Variants in THSD7B observed in about 807,000 individuals in gnomAD.
The protein encoded by THSD7B is thrombospondin type 1 domain containing 7B.
THSD7B carries 138 observed loss-of-function variants against 213.6 expected under a neutral mutation model. The ratio of observed to expected loss-of-function variants is 0.65; its 90% CI spans 0.56 to 0.74. THSD7B has a LOEUF of 0.74. Among genes scored for constraint, THSD7B ranks in the 30% least tolerant of loss-of-function variants. The probability of loss-of-function intolerance (pLI) is 0.00; values close to 1 mark genes in which losing one functional copy is unlikely to be tolerated. For synonymous variants in THSD7B, 742 were observed against 687.0 expected (o/e 1.08, Z -1.25); for missense variants, 1,931 against 1,991.5 (o/e 0.97, Z 0.58).
In THSD7B at chr2:137,166,412, A is replaced by C. The variant is rs1432247107; in HGVS notation, c.1526-4329A>C. ...TTTCTTGATATATAGACACACATTTATATGACATCCTTATCCTTTTCAGAC... is the reference window on the plus strand; with the variant it reads ...TTTCTTGATATATAGACACACATTTCTATGACATCCTTATCCTTTTCAGAC... On this transcript the variant is annotated intron_variant, in intron 6 of 27. Coordinates refer to ENST00000409968, the MANE Select transcript of THSD7B (RefSeq NM_001316349.2). Among the ~76,000 whole-genome samples, 4 of 152,228 alleles carry C rather than the reference A, an allele frequency of 2.6e-5. 1 individual carries two copies. Among genetic ancestry groups the C allele is most frequent in the Non-Finnish European group, 5.9e-5 (4 of 68,042 alleles).
intron 25 of THSD7B, among the ~76,000 whole-genome samples, chr2:137,663,020 G>T (rs890046394): frequency 6.6e-6 from 1 of 150,940 alleles, no homozygotes; most frequent in Non-Finnish European, 1.5e-5. Context: ...AGCTGAGATT[G>T]TGCCATTGTA....
chr2:137,258,758 C>T (rs1682366924), intron 10 of THSD7B, among the ~76,000 whole-genome samples: 1 of 150,996 alleles, frequency 6.6e-6, no homozygotes. Flanking sequence ...TGGTGATTTG[C>T]TGCACCCGTC....
At chr2:136,894,940 T>C (rs1683929359) in intron 2 of THSD7B, among the ~76,000 whole-genome samples, 1 of 152,202 alleles carries the variant, frequency 6.6e-6, no homozygotes, top group Non-Finnish European at 1.5e-5. Context: ...AAGCAAGAGC[T>C]CTGGGATTCT....
chr2:137,035,805 AG>A (rs1296179576), intron 2 of THSD7B, among the ~76,000 whole-genome samples: 1 of 152,138 alleles, frequency 6.6e-6, no homozygotes, highest in Non-Finnish European at 1.5e-5. Flanking sequence ...GCCTCAATGA[AG>A]GGCATCCCAT....
At chr2:137,623,481 C>T (rs1264510261) in intron 20 of THSD7B, among the ~76,000 whole-genome samples, 1 of 151,930 alleles carries the variant, frequency 6.6e-6, no homozygotes, top group Non-Finnish European at 1.5e-5. Flanking sequence ...CTGGCCAGGG[C>T]AATTAGGCAG....
chr2:137,076,541 G>C (rs1687627602), intron 3 of THSD7B, among the ~76,000 whole-genome samples: 1 of 152,250 alleles, frequency 6.6e-6, no homozygotes, highest in African/African-American at 2.4e-5. Context: ...TGCTTCCCGG[G>C]TGAGGCGATG....
At chr2:137,650,052 C>T (rs1194743091) in intron 21 of THSD7B, among the ~76,000 whole-genome samples, 1 of 151,970 alleles carries the variant, frequency 6.6e-6, no homozygotes, top group African/African-American at 2.4e-5. Flanking sequence ...TAATGAGTCC[C>T]GATTATGCCA....
At chr2:136,921,067 T>C (rs543538733) in intron 2 of THSD7B, among the ~76,000 whole-genome samples, 161 of 152,152 alleles carry the variant, frequency 1.1e-3, no homozygotes, top group Non-Finnish European at 2.0e-3. Flanking sequence ...CCTTCTGCAC[T>C]GCCAACTTGG....
At chr2:137,326,555 A>G (rs538842248) in intron 12 of THSD7B, among the ~76,000 whole-genome samples, 18 of 152,332 alleles carry the variant, frequency 1.2e-4, no homozygotes, top group African/African-American at 4.3e-4. Flanking sequence ...ATTGACAGAG[A>G]AAACGGTGGC....
chr2:136,821,033 T>A (rs72977506), intron 1 of THSD7B, among the ~76,000 whole-genome samples: 6,972 of 152,274 alleles, frequency 0.046, 204 homozygotes, highest in South Asian at 0.11. Context: ...TAGAACCGTA[T>A]AAAATTACTA....
chr2:137,562,917 G>A (rs146819153), intron 15 of THSD7B, among the ~76,000 whole-genome samples: 1 of 152,208 alleles, frequency 6.6e-6, no homozygotes, highest in East Asian at 1.9e-4. Context: ...TGCTGTGTGA[G>A]CTCTCAGAGG....
chr2:137,441,115 A>G (rs1461989775), intron 14 of THSD7B, among the ~76,000 whole-genome samples: 4 of 152,158 alleles, frequency 2.6e-5, no homozygotes, highest in African/African-American at 9.7e-5. Flanking sequence ...ATGTTTCATT[A>G]TATTGTTCTC....
rs753511008 is a variant in THSD7B, at chr2:137,657,179, CAT to C, written c.4375+20_4375+21del. The stretch of plus-strand genomic sequence containing the variant: ...GTCACAGGTATTCCTGCCTAAGACT[CAT>C]GTGGGCACTTCACAAACACCCCTGA... On this transcript the variant is annotated intron_variant, in intron 24 of 27. Transcript: ENST00000409968. 1.9e-6 allele frequency: 3 copies of C among 1,610,228 alleles called. No individual in the cohort carries two copies. The highest frequency in any genetic ancestry group is 1.7e-5 in the Admixed American group (1 of 59,756).
chr2:136,820,965 A>G lies in THSD7B; in HGVS notation c.-36+55278A>G, dbSNP rs114457461. Among the ~76,000 whole-genome samples the G allele has an allele frequency of 3.2e-3, 487 of 152,296 alleles. 1 individual carries two copies. The highest frequency in any genetic ancestry group is 0.011 in the African/African-American group (474 of 41,560). ...ATTAGAGAATTTAGGTGAAGGGTAA[A>G]TGAGAATCCATTGCATTAAAATACA... is the stretch of plus-strand genomic sequence containing the variant. On this transcript the variant is annotated intron_variant, in intron 1 of 27. Coordinates refer to ENST00000409968, the MANE Select transcript of THSD7B (RefSeq NM_001316349.2).
intron 15 of THSD7B, among the ~76,000 whole-genome samples, chr2:137,491,001 T>C (rs1304380822): frequency 6.6e-6 from 1 of 152,224 alleles, no homozygotes; most frequent in Non-Finnish European, 1.5e-5. Context: ...CTTGAAAGGT[T>C]TATTTTAAAA....
chr2:136,824,072 C>T (rs943123898), intron 1 of THSD7B, among the ~76,000 whole-genome samples: 2 of 152,078 alleles, frequency 1.3e-5, no homozygotes, highest in South Asian at 4.1e-4. Context: ...TCATTTATCA[C>T]CATTTTACAG....
chr2:137,085,185 CACAA>C (rs1687816436), intron 3 of THSD7B, among the ~76,000 whole-genome samples: 1 of 152,126 alleles, frequency 6.6e-6, no homozygotes, highest in Non-Finnish European at 1.5e-5. Flanking sequence ...ATTTGTGGAA[CACAA>C]ATAAAACGCC....
At chr2:137,426,905 G>T (rs1687067792) in intron 14 of THSD7B, among the ~76,000 whole-genome samples, 1 of 151,816 alleles carries the variant, frequency 6.6e-6, no homozygotes, top group South Asian at 2.1e-4. Context: ...TTCAATAAGG[G>T]GTTAATACCC....
At chr2:137,427,129 A>C (rs1217995211) in intron 14 of THSD7B, among the ~76,000 whole-genome samples, 2 of 152,132 alleles carry the variant, frequency 1.3e-5, no homozygotes, top group Non-Finnish European at 2.9e-5. Context: ...TTAAATAGTC[A>C]AAAAGTAACA....
Sources: allele counts gnomAD v4.1 joint callset (sites outside exome capture counted in the v4.1 genomes callset), GRCh38; gene constraint gnomAD v4.1.1; transcripts MANE v1.5; gene names NCBI Gene and HGNC (gene_info 2026-07-23, HGNC 2026-07-21).